WDR4: variants seen among roughly 807,000 people sequenced by gnomAD.
WDR4 encodes the protein WDR4 tRNA N7-guanosine methyltransferase non-catalytic subunit, also known as tRNA (guanine-N(7)-)-methyltransferase non-catalytic subunit WDR4.
In WDR4, 47 loss-of-function variants were observed where a neutral mutation model predicts 48.6. The observed-to-expected ratio is 0.97, with a 90% CI of 0.77 to 1.23. The LOEUF (loss-of-function observed/expected upper bound fraction) is 1.23. WDR4 is among the 50% of genes most tolerant of loss of function. WDR4 has a pLI of 0.00. For synonymous variants in WDR4, 268 were observed against 230.0 expected, an observed-to-expected ratio of 1.17 and a Z score of -1.49; for missense variants, 606 against 551.6, an observed-to-expected ratio of 1.10 and a Z score of -0.99.
chr21:42,856,271 G>A (rs1051338587), intron 6 of WDR4, among the ~76,000 whole-genome samples: 16 of 152,210 alleles, frequency 1.1e-4, no homozygotes, highest in Non-Finnish European at 8.8e-5. Context: ...ATCAGCAACC[G>A]TCCCACGACA....
intron 2 of WDR4, among the ~76,000 whole-genome samples, chr21:42,875,798 A>G (rs1406164855): frequency 1.3e-5 from 2 of 152,190 alleles, no homozygotes; most frequent in Non-Finnish European, 2.9e-5. Context: ...CTCTACTTTT[A>G]TATCTCAATT....
chr21:42,883,098 C>CAAAAAA (rs35978225), upstream of WDR4, among the ~76,000 whole-genome samples: 1 of 87,296 alleles, frequency 1.1e-5, no homozygotes, highest in African/African-American at 5.0e-5. Context: ...GACTCCGTCT[C>CAAAAAA]AAAAAAAAAA....
At chr21:42,853,513 C>T in intron 9 of WDR4, 56 bp downstream of exon 9, 4 of 1,554,504 alleles carry the variant, frequency 2.6e-6, no homozygotes. Flanking sequence ...CCGCCCCACA[C>T]CCCCAGGCTT....
At chr21:42,879,360 C>T in intron 1 of WDR4, 47 bp downstream of exon 1, 1 of 1,597,274 alleles carries the variant, frequency 6.3e-7, no homozygotes, top group Admixed American at 1.7e-5. Context: ...GGACCCGACG[C>T]GCGCCCGCAG....
chr21:42,882,317 C>G (rs914008085), upstream of WDR4, among the ~76,000 whole-genome samples: 3 of 151,328 alleles, frequency 2.0e-5, no homozygotes, highest in African/African-American at 4.9e-5. Flanking sequence ...AATCCCAACA[C>G]TTTAGGAGGC....
At chr21:42,851,547 G>C (rs866331880) in intron 10 of WDR4, among the ~76,000 whole-genome samples, 2 of 152,184 alleles carry the variant, frequency 1.3e-5, no homozygotes, top group African/African-American at 2.4e-5. Context: ...TCGTGAATGA[G>C]GCACCTGGAT....
In WDR4 at chr21:42,879,488, C is replaced by T. The variant is rs920620297; in HGVS notation, c.8G>A (p.Gly3Asp). Residue 3 changes from glycine to aspartate, a missense_variant, in exon 1 of 11, where the codon GGC becomes GAC. Gly to Asp is a moderately conservative substitution (Grantham distance 94). Coordinates refer to ENST00000398208, the MANE Select transcript of WDR4 (RefSeq NM_018669.6). ...CCCGCACAACGCCAGTCCCACAGAGCCCGCCATGTACCCGCCCGCCTCACC... is the reference window on the plus strand; with the variant it reads ...CCCGCACAACGCCAGTCCCACAGAGTCCGCCATGTACCCGCCCGCCTCACC... MA[G>D]SVGLALCGQT... is the part of the protein sequence containing the mutation. 1.2e-6 allele frequency: 2 copies of T among 1,613,416 alleles called. No individual in the cohort carries two copies. Among genetic ancestry groups the T allele is most frequent in the East Asian group, 2.2e-5 (1 of 44,858 alleles).
At chr21:42,869,785 G>T (rs534657659) in intron 3 of WDR4, among the ~76,000 whole-genome samples, 1 of 152,238 alleles carries the variant, frequency 6.6e-6, no homozygotes, top group East Asian at 1.9e-4. Context: ...CGATGTGGGT[G>T]GATCACCTGA....
chr21:42,887,951 A>G, the WDR4 span, among the ~76,000 whole-genome samples: 1 of 152,076 alleles, frequency 6.6e-6, no homozygotes, highest in Non-Finnish European at 1.5e-5. Flanking sequence ...AAACAAAAAA[A>G]GTTTTTATAA....
At chr21:42,866,354 A>G (rs1385333004) in intron 3 of WDR4, among the ~76,000 whole-genome samples, 1 of 152,222 alleles carries the variant, frequency 6.6e-6, no homozygotes, top group Non-Finnish European at 1.5e-5. Context: ...GCAGCAGCAC[A>G]GTAACAAAGC....
intron 3 of WDR4, among the ~76,000 whole-genome samples, chr21:42,868,730 G>A (rs890847575): frequency 1.3e-5 from 2 of 152,290 alleles, no homozygotes; most frequent in South Asian, 2.1e-4. Context: ...GAGGGGCTGG[G>A]AACTAAAAGT....
chr21:42,870,893 C>T (rs559145586), intron 3 of WDR4, among the ~76,000 whole-genome samples: 1 of 152,170 alleles, frequency 6.6e-6, no homozygotes, highest in Admixed American at 6.5e-5. Flanking sequence ...TATGAAAGCT[C>T]TCTACAGCAG....
chr21:42,865,664 G>C (rs2058229901), intron 3 of WDR4, among the ~76,000 whole-genome samples: 1 of 152,072 alleles, frequency 6.6e-6, no homozygotes, highest in Non-Finnish European at 1.5e-5. Context: ...GAATGGGGCA[G>C]GTCACTGGAC....
chr21:42,856,718 G>A (rs962510544), intron 6 of WDR4, among the ~76,000 whole-genome samples: 40 of 152,126 alleles, frequency 2.6e-4, no homozygotes, highest in Admixed American at 2.6e-3. Flanking sequence ...ACAGCTAACA[G>A]TAGATGCATA....
At position 42,858,430 on chromosome 21, in the gene WDR4, G is replaced by A. The variant is rs542432872; in HGVS notation, c.627+1232C>T. Among the ~76,000 whole-genome samples the A allele has an allele frequency of 2.0e-5, 3 of 152,308 alleles. No individual in the cohort carries two copies. The East Asian group carries it at 5.8e-4, about 29-fold the overall frequency. ...CCAGCTGGAGAGCACACTGTGCAAG[G>A]CCTCCCAAGCTCCGAGGGAAACCGT... On this transcript the variant is annotated intron_variant, in intron 6 of 10. Coordinates refer to ENST00000398208, the MANE Select transcript of WDR4 (RefSeq NM_018669.6).
At chr21:42,889,585 T>C in the WDR4 span, among the ~76,000 whole-genome samples, 1 of 152,200 alleles carries the variant, frequency 6.6e-6, no homozygotes, top group African/African-American at 2.4e-5. Context: ...GACCAGTGCA[T>C]GCTTCCAGGG....
At chr21:42,876,609 T>G (rs1454838775) in intron 2 of WDR4, 93 bp downstream of exon 2, 1 of 1,225,828 alleles carries the variant, frequency 8.2e-7, no homozygotes, top group Non-Finnish European at 1.2e-6. Context: ...AAGCTAAGAA[T>G]TCAGCAAGTA....
At position 42,854,413 on chromosome 21, in the gene WDR4, A is replaced by G. The variant is rs552225582; in HGVS notation, c.791+149T>C. The stretch of plus-strand genomic sequence containing the variant: ...CACCCTCATGCAGCAGCAGTCATCA[A>G]AAGTGACATTCTCAGAGGGAGGTGC... On this transcript the variant is annotated intron_variant, in intron 8 of 10. Coordinates refer to ENST00000398208, the MANE Select transcript of WDR4 (RefSeq NM_018669.6). 4 of 784,820 alleles carry G rather than the reference A, an allele frequency of 5.1e-6. No homozygotes were observed. The South Asian group carries it at 5.9e-5, about 12-fold the overall frequency. 48.6% of individuals were successfully genotyped at this position (784,820 alleles called of 1,614,324 possible).
chr21:42,878,327 T>C (rs985690961), intron 1 of WDR4, among the ~76,000 whole-genome samples: 2 of 152,206 alleles, frequency 1.3e-5, no homozygotes, highest in East Asian at 3.8e-4. Flanking sequence ...AACCGTGGAC[T>C]TGTCTTCCAA....
Sources: gnomAD v4.1 joint callset for allele counts (sites outside exome capture counted in the v4.1 genomes callset) on GRCh38, gnomAD v4.1.1 for gene constraint, MANE v1.5 for transcripts, NCBI Gene and HGNC (gene_info 2026-07-23, HGNC 2026-07-21) for gene names.